CA10: variants seen among roughly 807,000 people sequenced by gnomAD.
CA10 encodes carbonic anhydrase-related protein 10.
A neutral mutation model predicts 44.2 loss-of-function variants in CA10; 14 were observed. The observed-to-expected ratio is 0.32, with a 90% CI of 0.21 to 0.50. The LOEUF is 0.50. Ranked by LOEUF, CA10 falls within the 20% of genes least tolerant of loss-of-function variation. The pLI, the probability that CA10 is intolerant of heterozygous loss-of-function variation, is 0.99. For synonymous variants in CA10, 159 were observed against 141.6 expected, an observed-to-expected ratio of 1.12 and a Z score of -0.87; for missense variants, 350 against 409.7, an observed-to-expected ratio of 0.85 and a Z score of 1.26.
intron 3 of CA10, among the ~76,000 whole-genome samples, chr17:51,780,940 A>T (rs1315646866): frequency 2.0e-5 from 3 of 152,236 alleles, no homozygotes; most frequent in African/African-American, 7.2e-5. Flanking sequence ...GTAAATGGGC[A>T]TGGCAGTGGG....
At chr17:52,130,682 C>T (rs937297217) in intron 1 of CA10, among the ~76,000 whole-genome samples, 2 of 152,014 alleles carry the variant, frequency 1.3e-5, no homozygotes, top group African/African-American at 4.8e-5. Flanking sequence ...AAAGGATATA[C>T]ATGTCTTTTT....
At chr17:51,961,188 A>AACTCAC (rs146330814) in intron 2 of CA10, among the ~76,000 whole-genome samples, 15 of 145,004 alleles carry the variant, frequency 1.0e-4, no homozygotes, top group African/African-American at 3.6e-4. Flanking sequence ...TGTACACACA[A>AACTCAC]ACACACACAC....
intron 4 of CA10, among the ~76,000 whole-genome samples, chr17:51,695,339 T>C (rs902520384): frequency 6.6e-6 from 1 of 152,110 alleles, no homozygotes; most frequent in Non-Finnish European, 1.5e-5. Context: ...AGTTTTTGTT[T>C]TGTTTTGTTT....
At chr17:52,073,938 C>T (rs1331050031) in intron 1 of CA10, among the ~76,000 whole-genome samples, 1 of 152,132 alleles carries the variant, frequency 6.6e-6, no homozygotes, top group Non-Finnish European at 1.5e-5. Context: ...TTAGACCCGA[C>T]CAAGCCAAGA....
intron 3 of CA10, among the ~76,000 whole-genome samples, chr17:51,875,673 C>T (rs770885328): frequency 4.0e-5 from 6 of 151,720 alleles, no homozygotes; most frequent in Admixed American, 1.3e-4. Flanking sequence ...ATTTATATTA[C>T]TAAAGTTTAT....
intron 3 of CA10, among the ~76,000 whole-genome samples, chr17:51,890,505 G>A (rs1980807920): frequency 6.6e-6 from 1 of 151,944 alleles, no homozygotes; most frequent in African/African-American, 2.4e-5. Context: ...TTTGTTGTTT[G>A]TTTGTTTTTT....
At chr17:51,794,282 AG>A (rs1906629130) in intron 3 of CA10, among the ~76,000 whole-genome samples, 1 of 152,216 alleles carries the variant, frequency 6.6e-6, no homozygotes, top group South Asian at 2.1e-4. Flanking sequence ...ATGTATAGAC[AG>A]GGGTGTAAGA....
rs577287656 is a variant in CA10, at chr17:51,926,799, A to G, written c.279+4191T>C. Among the ~76,000 whole-genome samples, 31 of 152,300 alleles carry G rather than the reference A, an allele frequency of 2.0e-4. 1 individual carries two copies. The highest frequency in any genetic ancestry group is 9.8e-4 in the Admixed American group (15 of 15,296). On this transcript the variant is annotated intron_variant, in intron 3 of 8. Coordinates refer to ENST00000451037, the MANE Select transcript of CA10 (RefSeq NM_020178.5). Reference sequence around the variant, plus strand: ...TTCCAGTTTTAAAATCCTATATTTAATCATATCTTCAAGATACCTTCTGCT... The same window carrying G: ...TTCCAGTTTTAAAATCCTATATTTAGTCATATCTTCAAGATACCTTCTGCT...
intron 2 of CA10, among the ~76,000 whole-genome samples, chr17:51,967,456 G>T (rs550902207): frequency 2.8e-4 from 42 of 151,552 alleles, no homozygotes; most frequent in Admixed American, 1.7e-3. Context: ...CCTCAATGGT[G>T]GACTGGATAA....
intron 4 of CA10, among the ~76,000 whole-genome samples, chr17:51,668,571 C>T (rs1914290791): frequency 6.6e-6 from 1 of 152,230 alleles, no homozygotes; most frequent in African/African-American, 2.4e-5. Context: ...GGTCAAGCTG[C>T]TGTTTTGTCC....
intron 2 of CA10, among the ~76,000 whole-genome samples, chr17:51,955,163 A>T (rs537731689): frequency 2.3e-4 from 35 of 152,136 alleles, no homozygotes; most frequent in Non-Finnish European, 4.0e-4. Flanking sequence ...GCAAGAGGCA[A>T]AAAAGAAGAG....
At chr17:51,880,765 T>C (rs1458646088) in intron 3 of CA10, among the ~76,000 whole-genome samples, 1 of 152,020 alleles carries the variant, frequency 6.6e-6, no homozygotes, top group Admixed American at 6.6e-5. Flanking sequence ...AAAAAATAAG[T>C]AATGAAAGAC....
intron 1 of CA10, among the ~76,000 whole-genome samples, chr17:52,143,153 G>A (rs1989516903): frequency 6.6e-6 from 1 of 151,956 alleles, no homozygotes. Flanking sequence ...CAATCCCAGT[G>A]CACTGCTTTA....
At chr17:51,783,484 G>A (rs555033759) in intron 3 of CA10, among the ~76,000 whole-genome samples, 74 of 152,260 alleles carry the variant, frequency 4.9e-4, no homozygotes, top group Admixed American at 3.1e-3. Context: ...AGGTCAAGTC[G>A]CTTTCCCATT....
chr17:51,680,047 T>C (rs781028617), intron 4 of CA10, among the ~76,000 whole-genome samples: 1 of 152,184 alleles, frequency 6.6e-6, no homozygotes, highest in Non-Finnish European at 1.5e-5. Flanking sequence ...TAGTTGCAAC[T>C]GAGACCATAT....
At chr17:51,633,169 G>T (rs1157893381) in intron 8 of CA10, among the ~76,000 whole-genome samples, 1 of 151,982 alleles carries the variant, frequency 6.6e-6, no homozygotes, top group Non-Finnish European at 1.5e-5. Context: ...TGTGTTTAAA[G>T]GTTACATATA....
chr17:51,805,925 AG>A (rs1350457963), intron 3 of CA10, among the ~76,000 whole-genome samples: 2 of 152,238 alleles, frequency 1.3e-5, no homozygotes, highest in African/African-American at 2.4e-5. Flanking sequence ...CTGAAGGATG[AG>A]AACAAACCAG....
chr17:51,995,757 A>T (rs203045), intron 2 of CA10, among the ~76,000 whole-genome samples: 98,108 of 151,910 alleles, frequency 0.65, 33,031 homozygotes, highest in African/African-American at 0.82. Context: ...TCAGAACTGA[A>T]TTCCTGTGTT....
intron 3 of CA10, among the ~76,000 whole-genome samples, chr17:51,906,644 A>G (rs1981568099): frequency 6.6e-6 from 1 of 152,076 alleles, no homozygotes; most frequent in South Asian, 2.1e-4. Flanking sequence ...CCAGACATGT[A>G]TTTTGCCTAT....
Sources: allele counts gnomAD v4.1 joint callset (sites outside exome capture counted in the v4.1 genomes callset), GRCh38; gene constraint gnomAD v4.1.1; transcripts MANE v1.5; gene names NCBI Gene and HGNC (gene_info 2026-07-23, HGNC 2026-07-21).